The following NR3C2 variants were observed in gnomAD, a reference collection of about 807,000 sequenced individuals.
NR3C2 encodes mineralocorticoid receptor.
In NR3C2, 15 loss-of-function variants were observed where a neutral mutation model predicts 86.4. That is an observed-to-expected ratio of 0.17 (90% confidence interval 0.12 to 0.27). NR3C2 has a LOEUF of 0.27. NR3C2 is among the 10% of genes least tolerant of loss of function. The pLI is 1.00. For missense variants in NR3C2, 960 were observed against 1,195.6 expected, an observed-to-expected ratio of 0.80 and a Z score of 2.91; for synonymous variants, 458 against 450.5, an observed-to-expected ratio of 1.02 and a Z score of -0.21.
intron 2 of NR3C2, among the ~76,000 whole-genome samples, chr4:148,369,004 T>C (rs534662632): frequency 2.3e-4 from 35 of 152,346 alleles, no homozygotes; most frequent in African/African-American, 6.7e-4. Flanking sequence ...ACCCACTTGC[T>C]GCCATTAACT....
chr4:148,310,629 T>C (rs1235517618), intron 2 of NR3C2, among the ~76,000 whole-genome samples: 1 of 152,200 alleles, frequency 6.6e-6, no homozygotes, highest in Non-Finnish European at 1.5e-5. Context: ...TTCTAACTAA[T>C]GTCGACTCTT....
chr4:148,256,917 A>G (rs750944219), intron 3 of NR3C2, among the ~76,000 whole-genome samples: 3 of 152,308 alleles, frequency 2.0e-5, no homozygotes, highest in East Asian at 3.9e-4. Flanking sequence ...ACAAAAATTT[A>G]TACTTTAAAA....
intron 2 of NR3C2, among the ~76,000 whole-genome samples, chr4:148,281,447 C>A (rs1741234754): frequency 6.6e-6 from 1 of 152,182 alleles, no homozygotes; most frequent in Non-Finnish European, 1.5e-5. Context: ...ATGTATATTT[C>A]CATAATTTCA....
At chr4:148,406,199 A>G (rs746799752) in intron 2 of NR3C2, among the ~76,000 whole-genome samples, 5 of 152,084 alleles carry the variant, frequency 3.3e-5, no homozygotes, top group South Asian at 2.1e-4. Flanking sequence ...AAAGTGAACA[A>G]GAGGGTAACA....
At chr4:148,363,506 CTTTTTTT>C (rs58978966) in intron 2 of NR3C2, among the ~76,000 whole-genome samples, 1 of 110,774 alleles carries the variant, frequency 9.0e-6, no homozygotes, top group Non-Finnish European at 1.7e-5. Context: ...TCATAGATCT[CTTTTTTT>C]TTTTTTTTGA....
chr4:148,405,439 C>T (rs1748371051), intron 2 of NR3C2, among the ~76,000 whole-genome samples: 1 of 152,158 alleles, frequency 6.6e-6, no homozygotes, highest in African/African-American at 2.4e-5. Context: ...CTTGTTATAT[C>T]CACACTACAC....
chr4:148,423,437 T>C (rs916265071), intron 2 of NR3C2, among the ~76,000 whole-genome samples: 3 of 152,180 alleles, frequency 2.0e-5, no homozygotes, highest in Non-Finnish European at 4.4e-5. Context: ...TTCAAACATC[T>C]ACTGAAATCT....
intron 2 of NR3C2, among the ~76,000 whole-genome samples, chr4:148,288,566 C>T (rs1741645080): frequency 6.6e-6 from 1 of 152,232 alleles, no homozygotes. Context: ...TGCTGGGCGC[C>T]AGCCAATTGC....
intron 2 of NR3C2, among the ~76,000 whole-genome samples, chr4:148,365,215 C>G (rs987779900): frequency 3.9e-5 from 6 of 152,164 alleles, no homozygotes; most frequent in African/African-American, 1.4e-4. Context: ...GCTAGGAAAG[C>G]CTTTCTTCCC....
chr4:148,090,480 G>A (rs765919480), intron 8 of NR3C2, among the ~76,000 whole-genome samples: 4 of 152,322 alleles, frequency 2.6e-5, no homozygotes, highest in Non-Finnish European at 4.4e-5. Flanking sequence ...TGACAGCAAC[G>A]CTGACACATA....
chr4:148,384,733 A>G (rs1016337786), intron 2 of NR3C2, among the ~76,000 whole-genome samples: 13 of 152,328 alleles, frequency 8.5e-5, no homozygotes, highest in Admixed American at 7.2e-4. Context: ...ATATAAATGG[A>G]AAAAAGTGAA....
At chr4:148,201,720 T>C (rs1035172386) in intron 3 of NR3C2, among the ~76,000 whole-genome samples, 1 of 152,166 alleles carries the variant, frequency 6.6e-6, no homozygotes, top group Non-Finnish European at 1.5e-5. Flanking sequence ...CTTTTAAGTC[T>C]TAGAAGGGAG....
Position 148,435,465 on chromosome 4 carries a change from AGTCTTTATC to A in NR3C2, c.1387_1395del (p.Asp463_Asp465del), listed in dbSNP as rs753566886. The A allele has an allele frequency of 6.2e-6, 10 of 1,614,128 alleles. No homozygotes were observed. The highest frequency in any genetic ancestry group is 8.5e-6 in the Non-Finnish European group (10 of 1,180,048). ...CCTAAAATTCCTGATAGGGAATAAT[AGTCTTTATC>A]ATCCATAAAGGAAAAATACGAGCCA... On this transcript the variant is annotated inframe_deletion, in exon 2 of 9. Transcript: ENST00000358102.
At chr4:148,238,636 G>A (rs561225643) in intron 3 of NR3C2, among the ~76,000 whole-genome samples, 1 of 152,148 alleles carries the variant, frequency 6.6e-6, no homozygotes, top group African/African-American at 2.4e-5. Context: ...TTTAACAACT[G>A]TCCAGCATCT....
chr4:148,407,302 CCT>C (rs779692699), intron 2 of NR3C2, among the ~76,000 whole-genome samples: 15 of 152,130 alleles, frequency 9.9e-5, no homozygotes, highest in Non-Finnish European at 1.6e-4. Flanking sequence ...AACAGAAACC[CCT>C]GTTACATGTA....
intron 6 of NR3C2, among the ~76,000 whole-genome samples, chr4:148,130,156 C>A (rs1184997142): frequency 6.6e-6 from 1 of 152,176 alleles, no homozygotes; most frequent in Non-Finnish European, 1.5e-5. Flanking sequence ...AAAAGTCACT[C>A]AGAAACAGTT....
At chr4:148,113,059 G>A (rs1331450115) in intron 8 of NR3C2, among the ~76,000 whole-genome samples, 1 of 152,082 alleles carries the variant, frequency 6.6e-6, no homozygotes. Context: ...GAAGCTGCTT[G>A]CAAAATAAAA....
At chr4:148,200,604 C>T (rs1479419824) in intron 3 of NR3C2, among the ~76,000 whole-genome samples, 4 of 152,174 alleles carry the variant, frequency 2.6e-5, no homozygotes, top group Admixed American at 1.3e-4. Context: ...ATCCCTGTTA[C>T]TATCTGACTT....
chr4:148,335,515 AT>A (rs1195219014), intron 2 of NR3C2, among the ~76,000 whole-genome samples: 6 of 152,230 alleles, frequency 3.9e-5, no homozygotes, highest in Non-Finnish European at 8.8e-5. Context: ...AACAGCAGCC[AT>A]TGAATCATCC....
Sources: gnomAD v4.1 joint callset for allele counts (sites outside exome capture counted in the v4.1 genomes callset) on GRCh38, gnomAD v4.1.1 for gene constraint, MANE v1.5 for transcripts, NCBI Gene and HGNC (gene_info 2026-07-23, HGNC 2026-07-21) for gene names.